Variants in TUBB6 observed in about 807,000 individuals in gnomAD.
TUBB6 encodes the protein tubulin beta 6 class V.
In TUBB6, 18 loss-of-function variants were observed where a neutral mutation model predicts 32.3. That is an observed-to-expected ratio of 0.56 (90% CI 0.39 to 0.83). TUBB6 has a LOEUF of 0.83. Ranked by LOEUF, TUBB6 falls within the 40% of genes least tolerant of loss-of-function variation. TUBB6 has a pLI of 0.00. For missense variants in TUBB6, 480 were observed against 632.0 expected (o/e 0.76, Z 2.58); for synonymous variants, 280 against 265.8 (o/e 1.05, Z -0.52).
In TUBB6 at chr18:12,324,813, AC is replaced by A. The variant is rs761649376; in HGVS notation, c.278-252del. 11 of 1,314,966 alleles carry A rather than the reference AC, an allele frequency of 8.4e-6. No homozygotes were observed. In the South Asian group the frequency reaches 2.5e-4, roughly 30 times the overall value. 81.5% of individuals were successfully genotyped at this position (1,314,966 alleles called of 1,614,324 possible). The stretch of plus-strand genomic sequence containing the variant: ...TTGAATTCTACCATGTGCAAGAATT[AC>A]CTCTTTAACATGGAACAACCAGGTC... On this transcript the variant is annotated intron_variant, in intron 3 of 3. Transcript: ENST00000317702.
rs778520800 is a variant in TUBB6, at chr18:12,325,246, A to G, written c.457A>G (p.Ser153Gly). ...CTCAGGCATGGGCACGCTGCTCATC[A>G]GCAAGATCCGTGAGGAGTTCCCGGA... ...TGSGMGTLLI[S>G]KIREEFPDRI... is the part of the protein sequence containing the mutation. The change falls in exon 4 of 4, where the codon AGC becomes GGC. Residue 153 changes from serine to glycine, a missense_variant. Coordinates refer to ENST00000317702, the MANE Select transcript of TUBB6 (RefSeq NM_032525.3). 1.2e-6 allele frequency: 2 copies of G among 1,614,212 alleles called. No homozygotes were observed. The highest frequency in any genetic ancestry group is 1.1e-5 in the South Asian group (1 of 91,084).
At chr18:12,324,166 G>A (rs1375896468) in intron 3 of TUBB6, among the ~76,000 whole-genome samples, 1 of 152,070 alleles carries the variant, frequency 6.6e-6, no homozygotes, top group Non-Finnish European at 1.5e-5. Context: ...TCAGGAGTTC[G>A]AGACTATCCT....
chr18:12,313,467 T>G (rs534459355), intron 3 of TUBB6, among the ~76,000 whole-genome samples: 19 of 152,236 alleles, frequency 1.2e-4, no homozygotes, highest in African/African-American at 4.6e-4. Context: ...TGGGAGGTGT[T>G]CCCCAGGACA....
At chr18:12,329,303 G>C (rs112783401), downstream of TUBB6, 20 of 687,094 alleles carry the variant, frequency 2.9e-5, no homozygotes, top group African/African-American at 2.3e-4. Context: ...GGCCACTCTG[G>C]GCTCAACCTT....
downstream of TUBB6, chr18:12,329,371 C>T: frequency 1.5e-6 from 1 of 683,068 alleles, no homozygotes; most frequent in Non-Finnish European, 2.6e-6. Context: ...CCCTCAAGGC[C>T]TCCGGAAAGT....
intron 3 of TUBB6, among the ~76,000 whole-genome samples, chr18:12,317,211 C>T (rs1478341682): frequency 6.6e-6 from 1 of 151,938 alleles, no homozygotes; most frequent in East Asian, 1.9e-4. Context: ...CCTGTAATCC[C>T]AACACTTTGG....
rs760234318 is a variant in TUBB6, at chr18:12,308,773, C to T, written c.144C>T (p.Asn48=). Residue 48 remains asparagine (N), a synonymous_variant, in exon 2 of 4, where the codon AAC becomes AAT. Coordinates refer to ENST00000317702, the MANE Select transcript of TUBB6 (RefSeq NM_032525.3). ...GDSALQLERI[N]VYYNESSSQK... ...CGGCGCTGCAGCTGGAGAGAATCAACGTCTACTACAATGAGTCATCGTGTG... is the reference window on the plus strand; with the variant it reads ...CGGCGCTGCAGCTGGAGAGAATCAATGTCTACTACAATGAGTCATCGTGTG... The T allele has an allele frequency of 1.3e-5, 21 of 1,610,444 alleles. No individual in the cohort carries two copies. Among genetic ancestry groups the T allele is most frequent in the Admixed American group, 3.3e-5 (2 of 60,014 alleles).
chr18:12,320,244 A>AAT (rs1568124369), intron 3 of TUBB6, among the ~76,000 whole-genome samples: 1 of 151,616 alleles, frequency 6.6e-6, no homozygotes, highest in Non-Finnish European at 1.5e-5. Flanking sequence ...ATAATAATAA[A>AAT]AAATTCCTTT....
In TUBB6 at chr18:12,311,887, T is replaced by C. The variant is rs1003332049; in HGVS notation, c.277+834T>C. On this transcript the variant is annotated intron_variant, in intron 3 of 3. Transcript: ENST00000317702. ...GGCAGATTTGGAAGTTTCCCACCTA[T>C]TTTAATGTTAGAGACCACATATCTA... 2.0e-5 allele frequency among the ~76,000 whole-genome samples: 3 copies of C among 152,186 alleles called. No individual in the cohort carries two copies. The East Asian group carries it at 5.8e-4, about 29-fold the overall frequency.
chr18:12,325,388 A>G lies in TUBB6; in HGVS notation c.599A>G (p.Tyr200Cys), dbSNP rs1230215505. The change falls in exon 4 of 4, where the codon TAC (tyrosine) becomes TGC (cysteine). Residue 200 changes from tyrosine (Y) to cysteine (C), a missense_variant. Physicochemically the swap from Tyr to Cys is radical, Grantham distance 194. Transcript: ENST00000317702. ...CTGGTGGAGAATACAGACGAGACCT[A>G]CTGCATCGACAACGAGGCGCTCTAT... ...HQLVENTDET[Y>C]CIDNEALYDI... 4.3e-6 allele frequency: 7 copies of G among 1,614,094 alleles called. No individual in the cohort carries two copies. The highest frequency in any genetic ancestry group is 5.9e-6 in the Non-Finnish European group (7 of 1,180,036).
At chr18:12,316,358 C>G (rs1906673900) in intron 3 of TUBB6, among the ~76,000 whole-genome samples, 1 of 152,224 alleles carries the variant, frequency 6.6e-6, no homozygotes, top group Admixed American at 6.5e-5. Context: ...CAAATTAAGA[C>G]AGACCTATGG....
At position 12,325,166 on chromosome 18, in the gene TUBB6, A is replaced by G. The variant is rs1397775068; in HGVS notation, c.377A>G (p.His126Arg). ...GACGTGGTGCGGAAGGAGTGCGAGC[A>G]CTGCGACTGCCTGCAGGGCTTCCAG... Reference protein sequence around the residue: ...VLDVVRKECEHCDCLQGFQLT... With the variant: ...VLDVVRKECERCDCLQGFQLT... Residue 126 changes from histidine to arginine, a missense_variant, in exon 4 of 4, where the codon CAC becomes CGC. His to Arg is a conservative substitution (Grantham distance 29). Coordinates refer to ENST00000317702, the MANE Select transcript of TUBB6 (RefSeq NM_032525.3). 1.2e-6 allele frequency: 2 copies of G among 1,613,700 alleles called. No homozygotes were observed. Among genetic ancestry groups the G allele is most frequent in the Non-Finnish European group, 1.7e-6 (2 of 1,179,866 alleles).
chr18:12,325,951 A>C lies in TUBB6; in HGVS notation c.1162A>C (p.Met388Leu). 6.2e-7 allele frequency: 1 copy of C among 1,614,034 alleles called. No individual in the cohort carries two copies. Among genetic ancestry groups the C allele is most frequent in the Non-Finnish European group, 8.5e-7 (1 of 1,180,026 alleles). Reference sequence around the variant, plus strand: ...GCGCATCTCCGAGCAGTTCTCAGCCATGTTCCGGCGCAAGGCCTTCCTGCA... The same window carrying C: ...GCGCATCTCCGAGCAGTTCTCAGCCCTGTTCCGGCGCAAGGCCTTCCTGCA... ...FKRISEQFSAMFRRKAFLHWF... is the reference protein window; with the variant it reads ...FKRISEQFSALFRRKAFLHWF... Residue 388 changes from methionine (M) to leucine (L), a missense_variant, in exon 4 of 4, where the codon ATG becomes CTG. Transcript: ENST00000317702.
chr18:12,308,640 G>A (rs756965985), intron 1 of TUBB6, 47 bp from the exon 2 acceptor site: 1 of 1,375,990 alleles, frequency 7.3e-7, no homozygotes, highest in Non-Finnish European at 1.0e-6. Flanking sequence ...GCGGCGTCCC[G>A]GGCTCTGGGT....
At chr18:12,328,899 A>G, downstream of TUBB6, 1 of 423,060 alleles carries the variant, frequency 2.4e-6, no homozygotes. Context: ...ATTTCTTGCC[A>G]TTATGTTTTC....
At chr18:12,322,814 G>A (rs1907058608) in intron 3 of TUBB6, among the ~76,000 whole-genome samples, 1 of 152,046 alleles carries the variant, frequency 6.6e-6, no homozygotes. Context: ...ATATAGATAG[G>A]TAGATAGATA....
chr18:12,316,363 C>G (rs1461454127), intron 3 of TUBB6, among the ~76,000 whole-genome samples: 1 of 152,202 alleles, frequency 6.6e-6, no homozygotes, highest in African/African-American at 2.4e-5. Flanking sequence ...TAAGACAGAC[C>G]TATGGTGCCC....
At chr18:12,308,188 G>GGCGGGGGCGGGGGC, upstream of TUBB6, 1 of 758,606 alleles carries the variant, frequency 1.3e-6, no homozygotes. Flanking sequence ...CGAGCGGCGG[G>GGCGGGGGCGGGGGC]GCGGGGGCGG....
At chr18:12,329,815 T>TAAA, downstream of TUBB6, 1 of 1,561,600 alleles carries the variant, frequency 6.4e-7, no homozygotes, top group South Asian at 1.1e-5. Context: ...TTAAATACAG[T>TAAA]TACTCAGCAA....
Sources: allele counts gnomAD v4.1 joint callset (sites outside exome capture counted in the v4.1 genomes callset), GRCh38; gene constraint gnomAD v4.1.1; transcripts MANE v1.5; gene names NCBI Gene and HGNC (gene_info 2026-07-23, HGNC 2026-07-21).